The following SIK3 variants were observed in gnomAD, a reference collection of about 807,000 sequenced individuals.
SIK3 encodes SIK family kinase 3.
SIK3 carries 28 observed loss-of-function variants against 144.2 expected under a neutral mutation model. That is an observed-to-expected ratio of 0.19 (90% confidence interval 0.14 to 0.27). The LOEUF is 0.27. SIK3 is among the 10% of genes least tolerant of loss of function. The probability of loss-of-function intolerance (pLI) is 1.00; values close to 1 mark genes in which losing one functional copy is unlikely to be tolerated. For synonymous variants in SIK3, 686 were observed against 676.3 expected (o/e 1.01, Z -0.22); for missense variants, 1,319 against 1,776.0 (o/e 0.74, Z 4.62).
At chr11:116,937,695 G>A (rs764190938) in intron 3 of SIK3, among the ~76,000 whole-genome samples, 19 of 152,068 alleles carry the variant, frequency 1.2e-4, no homozygotes, top group African/African-American at 3.4e-4. Context: ...TCAACATAAG[G>A]GAAAAGAGAA....
At position 116,957,182 on chromosome 11, in the gene SIK3, T is replaced by C; in HGVS notation, c.274-118A>G. The C allele has an allele frequency of 5.6e-6, 3 of 538,754 alleles. No individual in the cohort carries two copies. The Admixed American group carries it at 9.2e-5, about 17-fold the overall frequency. 33.4% of individuals were successfully genotyped at this position (538,754 alleles called of 1,614,324 possible). A position where few individuals can be genotyped will look rare whatever the true frequency, so the allele number is the denominator to read the frequency against. ...AAATATAAGCTGCCAGTATTCTGTT[T>C]ACAGAATGTCAATGAGGAAAATTAA... On this transcript the variant is annotated intron_variant, in intron 1 of 24. Coordinates refer to ENST00000445177, the MANE Select transcript of SIK3 (RefSeq NM_001366686.3).
intron 1 of SIK3, among the ~76,000 whole-genome samples, chr11:117,051,152 T>C (rs1335207472): frequency 6.6e-6 from 1 of 152,178 alleles, no homozygotes; most frequent in African/African-American, 2.4e-5. Context: ...AAATTCACTC[T>C]TTCTTCTTGA....
In SIK3 at chr11:117,066,961, A is replaced by G. The variant is rs867644561; in HGVS notation, c.273+31182T>C. 3.3e-5 allele frequency among the ~76,000 whole-genome samples: 5 copies of G among 152,350 alleles called. No individual in the cohort carries two copies. The South Asian group carries it at 6.2e-4, about 19-fold the overall frequency. On this transcript the variant is annotated intron_variant, in intron 1 of 24. Transcript: ENST00000445177. The stretch of plus-strand genomic sequence containing the variant: ...TAGTCATTAGGGAAATGTAAATTAA[A>G]ACCACAAGATACCATGACACAACTA...
chr11:116,998,470 TA>T (rs59998385), intron 1 of SIK3, among the ~76,000 whole-genome samples: 12,784 of 136,168 alleles, frequency 0.094, 828 homozygotes, highest in African/African-American at 0.19. Flanking sequence ...GACTCCGTCT[TA>T]AAAAAAAAAA....
intron 3 of SIK3, among the ~76,000 whole-genome samples, chr11:116,942,247 G>A (rs1469590977): frequency 1.3e-5 from 2 of 152,128 alleles, no homozygotes; most frequent in African/African-American, 2.4e-5. Flanking sequence ...CTATATGTTA[G>A]ACACTACATT....
intron 1 of SIK3, among the ~76,000 whole-genome samples, chr11:117,087,529 C>A (rs1955069710): frequency 6.6e-6 from 1 of 152,312 alleles, no homozygotes; most frequent in East Asian, 1.9e-4. Context: ...GCTGCTATAA[C>A]CTTCTCCTGA....
chr11:117,020,236 C>CAT lies in SIK3; in HGVS notation c.274-63174_274-63173dup, dbSNP rs754633188. Among the ~76,000 whole-genome samples the CAT allele has an allele frequency of 2.2e-4, 27 of 122,324 alleles. 2 individuals carry two copies. The highest frequency in any genetic ancestry group is 3.7e-4 in the African/African-American group (10 of 27,174). 80.2% of individuals were successfully genotyped at this position (122,324 alleles called of 152,430 possible). On this transcript the variant is annotated intron_variant, in intron 1 of 24. Transcript: ENST00000445177. The stretch of plus-strand genomic sequence containing the variant: ...GGTGATATTTGTATGTGTATATGTG[C>CAT]ATATATATATACACATACATATATC...
At chr11:117,009,186 T>C (rs1204280044) in intron 1 of SIK3, among the ~76,000 whole-genome samples, 3 of 149,656 alleles carry the variant, frequency 2.0e-5, no homozygotes, top group Admixed American at 1.3e-4. Context: ...GTGAGCGAGA[T>C]TGTACCACTG....
At chr11:116,957,230 G>A (rs541545033) in intron 1 of SIK3, among the ~76,000 whole-genome samples, 166 bp from the exon 2 acceptor site, 40 of 152,254 alleles carry the variant, frequency 2.6e-4, no homozygotes, top group African/African-American at 9.6e-4. Context: ...AAAAAGATAG[G>A]AAATGGATTC....
At position 116,867,820 on chromosome 11, in the gene SIK3, G is replaced by A; in HGVS notation, c.1952+126C>T. ...TTACTGCAAGGAGCTGAGAAGATGT[G>A]AGTTCAGGATGACAGCTGGCTTCTA... On this transcript the variant is annotated intron_variant, in intron 15 of 24. Transcript: ENST00000445177. This position sits in a 1 kb window ranked among gnomAD's most constrained non-coding sequence, Gnocchi z 4.1. 1 of 979,694 alleles carries A rather than the reference G, an allele frequency of 1.0e-6. No individual in the cohort carries two copies. Among genetic ancestry groups the A allele is most frequent in the Non-Finnish European group, 1.5e-6 (1 of 685,362 alleles). The allele number at this position is 979,694 out of a possible 1,614,324, so 60.7% of individuals were successfully genotyped here.
chr11:116,871,287 T>TAA (rs1943956695), intron 13 of SIK3, among the ~76,000 whole-genome samples: 1 of 151,932 alleles, frequency 6.6e-6, no homozygotes, highest in African/African-American at 2.4e-5. Flanking sequence ...AATGGCTAAT[T>TAA]ACAAAACAAA....
Position 116,863,733 on chromosome 11 carries a change from TGCTCGCA to T in SIK3, c.2031_2037del (p.Ala678SerfsTer94). Reference sequence around the variant, plus strand: ...TCCAGGTGAGCTTTGAAGGCCTGGATGCTCGCAGCCCCATCTGAGAACCGGCGCACAG... The same window carrying T: ...TCCAGGTGAGCTTTGAAGGCCTGGATGCCCCATCTGAGAACCGGCGCACAG... On this transcript the variant is annotated frameshift_variant, in exon 16 of 25. Transcript: ENST00000445177. LOFTEE classifies it high-confidence loss of function. 6.2e-7 allele frequency: 1 copy of T among 1,614,198 alleles called. No individual in the cohort carries two copies. The highest frequency in any genetic ancestry group is 8.5e-7 in the Non-Finnish European group (1 of 1,180,038).
chr11:116,906,552 A>G (rs1946048669), intron 4 of SIK3, among the ~76,000 whole-genome samples: 1 of 152,162 alleles, frequency 6.6e-6, no homozygotes, highest in African/African-American at 2.4e-5. Flanking sequence ...GATGCAGCAA[A>G]AAGGAGAGAG....
intron 6 of SIK3, among the ~76,000 whole-genome samples, chr11:116,891,250 G>A (rs2134706081): frequency 6.6e-6 from 1 of 152,306 alleles, no homozygotes; most frequent in Admixed American, 6.5e-5. Flanking sequence ...CCAGGAACTG[G>A]AGATTGCAGG....
intron 1 of SIK3, among the ~76,000 whole-genome samples, chr11:116,960,245 G>C (rs1311622186): frequency 6.6e-6 from 1 of 152,112 alleles, no homozygotes; most frequent in African/African-American, 2.4e-5. Flanking sequence ...GAAGCTTTGG[G>C]CCAGGCACGG....
At chr11:116,908,053 A>G (rs1046561277) in intron 4 of SIK3, among the ~76,000 whole-genome samples, 1 of 152,188 alleles carries the variant, frequency 6.6e-6, no homozygotes, top group Non-Finnish European at 1.5e-5. Context: ...TCAAACAAGA[A>G]ACAAAAAGTG....
At chr11:116,922,450 C>T (rs971022987) in intron 4 of SIK3, among the ~76,000 whole-genome samples, 25 of 152,100 alleles carry the variant, frequency 1.6e-4, no homozygotes, top group African/African-American at 6.0e-4. Flanking sequence ...ATGATTATGC[C>T]ACTGCAGCCT....
rs141150227 is a variant in SIK3, at chr11:116,994,274, G to A, written c.274-37210C>T. On this transcript the variant is annotated intron_variant, in intron 1 of 24. Coordinates refer to ENST00000445177, the MANE Select transcript of SIK3 (RefSeq NM_001366686.3). ...TCTCCAAGCCAAACCTTTGTCCTAA[G>A]ATCACTAAGCCACATTGTAGGTAAG... Among the ~76,000 whole-genome samples, 1,435 of 152,278 alleles carry A rather than the reference G, an allele frequency of 9.4e-3. 12 individuals carry two copies. Among genetic ancestry groups the A allele is most frequent in the Non-Finnish European group, 0.014 (984 of 68,024 alleles).
At chr11:116,892,076 A>C (rs1187745082) in intron 6 of SIK3, among the ~76,000 whole-genome samples, 1 of 152,206 alleles carries the variant, frequency 6.6e-6, no homozygotes, top group African/African-American at 2.4e-5. Flanking sequence ...CAATACATGA[A>C]AGTGAAGATA....
Sources: gnomAD v4.1 joint callset for allele counts (sites outside exome capture counted in the v4.1 genomes callset) on GRCh38, gnomAD v4.1.1 for gene constraint, Gnocchi (gnomAD v3.1) non-coding constraint, MANE v1.5 for transcripts, NCBI Gene and HGNC (gene_info 2026-07-23, HGNC 2026-07-21) for gene names.